The following PCDHA1 variants were observed in gnomAD, a reference collection of about 807,000 sequenced individuals.
The protein encoded by PCDHA1 is protocadherin alpha-1.
A neutral mutation model predicts 61.3 loss-of-function variants in PCDHA1; 42 were observed. The observed-to-expected ratio is 0.69, with a 90% CI of 0.54 to 0.89. PCDHA1 has a LOEUF of 0.89. Among genes scored for constraint, PCDHA1 ranks in the 40% least tolerant of loss-of-function variants. The pLI is 0.00. For synonymous variants in PCDHA1, 610 were observed against 553.8 expected (o/e 1.10, Z -1.43); for missense variants, 1,256 against 1,235.3 (o/e 1.02, Z -0.25).
chr5:140,907,863 C>T (rs763021038), intron 1 of PCDHA1, among the ~76,000 whole-genome samples: 4 of 152,208 alleles, frequency 2.6e-5, no homozygotes, highest in African/African-American at 7.2e-5. Context: ...TGAGGCCAGC[C>T]GTTGGTGAGC....
At chr5:140,946,631 T>TATATATATATACACACAC (rs57893927) in intron 1 of PCDHA1, among the ~76,000 whole-genome samples, 1 of 131,846 alleles carries the variant, frequency 7.6e-6, no homozygotes, top group East Asian at 2.0e-4. Context: ...TATATATATA[T>TATATATATATACACACAC]ACAATGGAAT....
At chr5:140,991,472 C>G (rs1480480128) in intron 3 of PCDHA1, among the ~76,000 whole-genome samples, 1 of 152,172 alleles carries the variant, frequency 6.6e-6, no homozygotes, top group African/African-American at 2.4e-5. Context: ...TCTTACAGTT[C>G]TGGAAGTCAG....
At chr5:140,835,820 G>A (rs1554135305) in intron 1 of PCDHA1, 5 of 1,612,676 alleles carry the variant, frequency 3.1e-6, no homozygotes, top group Non-Finnish European at 4.2e-6. Flanking sequence ...CTGTGTCGGC[G>A]GGGGACGCGG....
chr5:140,816,342 A>C (rs1554127037), intron 1 of PCDHA1: 3 of 152,042 alleles, frequency 2.0e-5, no homozygotes, highest in Non-Finnish European at 4.4e-5. Context: ...CAGTTCCAAA[A>C]TTTCTTTTTA....
chr5:140,897,790 T>C (rs1219376194), intron 1 of PCDHA1, among the ~76,000 whole-genome samples: 378 of 152,274 alleles, frequency 2.5e-3, no homozygotes, highest in African/African-American at 8.4e-3. Flanking sequence ...GTTGAACTAG[T>C]TTAGAGTCCC....
At position 140,878,967 on chromosome 5, in the gene PCDHA1, C is replaced by T. The variant is rs562198206; in HGVS notation, c.2394+90283C>T. On this transcript the variant is annotated intron_variant, in intron 1 of 3. Coordinates refer to ENST00000504120, the MANE Select transcript of PCDHA1 (RefSeq NM_018900.4). ...ATGGTATTGAAATGTATTACCTGGA[C>T]ATTCCCCTCTATCTTAGAAATGAGA... Among the ~76,000 whole-genome samples, 52 of 152,298 alleles carry T rather than the reference C, an allele frequency of 3.4e-4. No individual in the cohort carries two copies. The South Asian group carries it at 0.01, about 30-fold the overall frequency.
rs1314619067 is a variant in PCDHA1 at position 140,835,422 on chromosome 5, G to A, written c.2394+46738G>A. On this transcript the variant is annotated intron_variant, in intron 1 of 3. Transcript: ENST00000504120. The stretch of plus-strand genomic sequence containing the variant: ...GGAAGTTGTGGATGTAAATGACAAT[G>A]CTCCACAGTTGACTCTCACTTCCCT... 1.4e-5 allele frequency: 23 copies of A among 1,613,834 alleles called. No individual in the cohort carries two copies. The highest frequency in any genetic ancestry group is 1.9e-5 in the Non-Finnish European group (22 of 1,179,890).
At chr5:140,805,618 A>G (rs1177703888) in intron 1 of PCDHA1, 1 of 920,188 alleles carries the variant, frequency 1.1e-6, no homozygotes, top group East Asian at 1.2e-4. Context: ...TTTATGTAAG[A>G]AAATGTATTG....
chr5:140,849,984 C>T (rs2150461471), intron 1 of PCDHA1: 2 of 1,597,296 alleles, frequency 1.3e-6, no homozygotes, highest in Non-Finnish European at 1.7e-6. Flanking sequence ...GCTGGTGGAG[C>T]GGCGGTTGGG....
chr5:140,960,299 A>C (rs246005), intron 1 of PCDHA1, among the ~76,000 whole-genome samples: 85,531 of 151,846 alleles, frequency 0.56, 24,685 homozygotes, highest in African/African-American at 0.69. Flanking sequence ...TTTCTTCATC[A>C]ATACCAACCT....
chr5:140,929,302 G>T, intron 1 of PCDHA1: 1 of 1,587,714 alleles, frequency 6.3e-7, no homozygotes, highest in Admixed American at 1.7e-5. Flanking sequence ...TAGGAAAGGG[G>T]ATCACGCTAA....
At chr5:140,853,717 A>G in intron 1 of PCDHA1, 1 of 988,104 alleles carries the variant, frequency 1.0e-6, no homozygotes, top group Non-Finnish European at 1.2e-6. Context: ...CATTAGCAGC[A>G]CCTAAGTCCT....
chr5:140,805,374 G>C, intron 1 of PCDHA1: 1 of 1,139,186 alleles, frequency 8.8e-7, no homozygotes, highest in Non-Finnish European at 1.1e-6. Context: ...CCCACATAGT[G>C]AAAGTACTCT....
At chr5:140,795,743 T>C (rs1761991025) in intron 1 of PCDHA1, 2 of 1,613,956 alleles carry the variant, frequency 1.2e-6, no homozygotes, top group South Asian at 2.2e-5. Context: ...AATGGGACCT[T>C]AGTGGTTAAG....
chr5:140,870,560 A>G, intron 1 of PCDHA1: 1 of 1,614,000 alleles, frequency 6.2e-7, no homozygotes, highest in Middle Eastern at 1.7e-4. Flanking sequence ...GCGCAGGAGA[A>G]CGCGCTGGTG....
chr5:140,848,221 A>T, intron 1 of PCDHA1: 1 of 378,712 alleles, frequency 2.6e-6, no homozygotes, highest in Non-Finnish European at 4.7e-6. Context: ...AGAAAAAATT[A>T]AGAAAATGAA....
At position 140,927,327 on chromosome 5, in the gene PCDHA1, C is replaced by T. The variant is rs781793681; in HGVS notation, c.2395-51622C>T. On this transcript the variant is annotated intron_variant, in intron 1 of 3. Coordinates refer to ENST00000504120, the MANE Select transcript of PCDHA1 (RefSeq NM_018900.4). ...TGACGCCCGGAGCCCGCTTTACTCT[C>T]CCGAATGCCCAAGATGACGACGAGG... 8.5e-5 allele frequency: 137 copies of T among 1,614,206 alleles called. No individual in the cohort carries two copies. In the Middle Eastern group the frequency reaches 3.6e-3, roughly 43 times the overall value.
chr5:140,842,398 A>T, intron 1 of PCDHA1: 1 of 1,611,514 alleles, frequency 6.2e-7, no homozygotes, highest in Admixed American at 1.7e-5. Flanking sequence ...CCTTGCCTGT[A>T]CGTGAAGACG....
intron 1 of PCDHA1, chr5:140,795,231 G>A (rs1554119318): frequency 1.9e-6 from 3 of 1,614,134 alleles, no homozygotes; most frequent in Non-Finnish European, 2.5e-6. Flanking sequence ...TGAATTCTCG[G>A]ATCGACCGGG....
Sources: gnomAD v4.1 joint callset for allele counts (sites outside exome capture counted in the v4.1 genomes callset) on GRCh38, gnomAD v4.1.1 for gene constraint, MANE v1.5 for transcripts, NCBI Gene and HGNC (gene_info 2026-07-23, HGNC 2026-07-21) for gene names.